The following GALC variants were observed in gnomAD, a reference collection of about 807,000 sequenced individuals.
GALC encodes the protein galactocerebrosidase.
A neutral mutation model predicts 91.8 loss-of-function variants in GALC; 77 were observed. The ratio of observed to expected loss-of-function variants is 0.84; its 90% CI spans 0.70 to 1.01. GALC has a LOEUF of 1.01. Among genes scored for constraint, GALC ranks in the 50% least tolerant of loss-of-function variants. The pLI is 0.00. For synonymous variants in GALC, 357 were observed against 306.7 expected (o/e 1.16, Z -1.71); for missense variants, 882 against 855.9 (o/e 1.03, Z -0.38).
rs1884434423 is a variant in GALC at position 87,933,245 on chromosome 14, A to T, written c.*1487T>A. On this transcript the variant is annotated 3_prime_UTR_variant, in exon 17 of 17. Transcript: ENST00000261304. ...TCTGGAACAAAGAAAACTAACCTAT[A>T]GTGATAGAATTCCTATCAATGGCTG... 1 of 152,546 alleles carries T rather than the reference A, an allele frequency of 6.6e-6. No individual in the cohort carries two copies. The highest frequency in any genetic ancestry group is 1.5e-5 in the Non-Finnish European group (1 of 68,020). The allele number at this position is 152,546 out of a possible 1,614,324, so 9.4% of individuals were successfully genotyped here. A position where few individuals can be genotyped will look rare whatever the true frequency, so the allele number is the denominator to read the frequency against.
intron 3 of GALC, chr14:87,987,920 C>T (rs556685025): frequency 2.6e-5 from 14 of 538,564 alleles, no homozygotes; most frequent in South Asian, 2.1e-4. Context: ...ATTACTTCAA[C>T]TAAATAAGCA....
At chr14:87,968,178 A>G (rs1447562956) in intron 8 of GALC, among the ~76,000 whole-genome samples, 157 bp downstream of exon 8, 1 of 152,184 alleles carries the variant, frequency 6.6e-6, no homozygotes. Context: ...AATTAGATAT[A>G]GATTAGGTAT....
intron 7 of GALC, among the ~76,000 whole-genome samples, chr14:87,969,590 T>A (rs112697865): frequency 6.6e-6 from 1 of 152,200 alleles, no homozygotes; most frequent in Non-Finnish European, 1.5e-5. Flanking sequence ...ACTTTTTAGT[T>A]TAAAAATTAT....
chr14:87,984,506 A>G lies in GALC; in HGVS notation c.470T>C (p.Leu157Pro), dbSNP rs1369809734. Residue 157 changes from leucine to proline, a missense_variant, in exon 5 of 17, where the codon CTG becomes CCG. By Grantham distance (98) the Leu-to-Pro change is moderately conservative. Transcript: ENST00000261304. ...IGLPWSFPGW[L>P]GKGFDWPYVN... ...ATAAGGCCAGTCGAAACCTTTTCCC[A>G]GCCATCCAGGGAATGACCATGGCAA... 6.2e-7 allele frequency: 1 copy of G among 1,614,158 alleles called. No individual in the cohort carries two copies. The highest frequency in any genetic ancestry group is 8.5e-7 in the Non-Finnish European group (1 of 1,180,020).
chr14:87,980,961 T>C (rs1000854461), intron 6 of GALC, among the ~76,000 whole-genome samples: 1 of 152,232 alleles, frequency 6.6e-6, no homozygotes, highest in Non-Finnish European at 1.5e-5. Flanking sequence ...TAAACACGCA[T>C]GTGCAAGTAT....
intron 6 of GALC, among the ~76,000 whole-genome samples, chr14:87,978,600 T>C (rs73312810): frequency 0.025 from 3,739 of 152,326 alleles, 156 homozygotes; most frequent in African/African-American, 0.084. Flanking sequence ...TTTCAGATTA[T>C]GTTTTTGTTT....
intron 10 of GALC, among the ~76,000 whole-genome samples, chr14:87,951,875 A>C (rs1433961558): frequency 6.6e-6 from 1 of 151,892 alleles, no homozygotes; most frequent in Non-Finnish European, 1.5e-5. Context: ...CTAGATTAGA[A>C]ACCAAGAAAG....
chr14:87,981,695 G>A (rs1479936780), intron 6 of GALC, among the ~76,000 whole-genome samples: 4 of 152,044 alleles, frequency 2.6e-5, no homozygotes, highest in Non-Finnish European at 5.9e-5. Context: ...AAGGTTGTGA[G>A]AATTAAATGG....
rs1475461759 is a variant in GALC at position 87,963,498 on chromosome 14, C to T, written c.1047G>A (p.Gln349=). The T allele has an allele frequency of 3.1e-6, 5 of 1,612,342 alleles. No homozygotes were observed. Among genetic ancestry groups the T allele is most frequent in the Non-Finnish European group, 4.2e-6 (5 of 1,179,042 alleles). The change falls in exon 10 of 17, where the codon CAG becomes CAA. Residue 349 remains glutamine, a synonymous_variant. Coordinates refer to ENST00000261304, the MANE Select transcript of GALC (RefSeq NM_000153.4). The stretch of plus-strand genomic sequence containing the variant: ...GGTAATACCAGCCAGGTTGAGTAAA[C>T]TGAGTGGTATGAGCTATAGAAAAAC... ...SPVWVSAHTT[Q]FTQPGWYYLK...
Position 87,934,272 on chromosome 14 carries a change from G to T in GALC, c.*460C>A. ...TGGTTTTCAAAAAGCTACTTCTAGT[G>T]TTCTTCAGCTTTCTATTATGGCAGC... On this transcript the variant is annotated 3_prime_UTR_variant, in exon 17 of 17. Coordinates refer to ENST00000261304, the MANE Select transcript of GALC (RefSeq NM_000153.4). 1 of 1,318,262 alleles carries T rather than the reference G, an allele frequency of 7.6e-7. No homozygotes were observed. The highest frequency in any genetic ancestry group is 9.7e-7 in the Non-Finnish European group (1 of 1,031,112). The allele number at this position is 1,318,262 out of a possible 1,614,324, so 81.7% of individuals were successfully genotyped here.
At chr14:87,939,175 C>T (rs1362145666) in intron 16 of GALC, among the ~76,000 whole-genome samples, 2 of 151,864 alleles carry the variant, frequency 1.3e-5, no homozygotes, top group Non-Finnish European at 2.9e-5. Context: ...ATCTATGCTA[C>T]ATCCAAACCA....
At chr14:87,952,093 A>C (rs551131629) in intron 10 of GALC, among the ~76,000 whole-genome samples, 1 of 152,020 alleles carries the variant, frequency 6.6e-6, no homozygotes, top group East Asian at 1.9e-4. Flanking sequence ...AATAAAAATA[A>C]AGAAAAAACC....
intron 16 of GALC, among the ~76,000 whole-genome samples, chr14:87,939,434 A>G (rs767560012): frequency 3.3e-5 from 5 of 151,908 alleles, no homozygotes; most frequent in Non-Finnish European, 7.4e-5. Context: ...GAACATTTTT[A>G]TATTTCTATT....
chr14:87,962,471 T>C (rs2139989677), intron 10 of GALC, among the ~76,000 whole-genome samples: 1 of 152,254 alleles, frequency 6.6e-6, no homozygotes, highest in South Asian at 2.1e-4. Flanking sequence ...ATTTACTGTT[T>C]GTCCTGGCTC....
At chr14:87,993,353 G>T (rs760085694), upstream of GALC, 3 of 1,535,334 alleles carry the variant, frequency 2.0e-6, no homozygotes, top group Middle Eastern at 3.3e-4. Context: ...GCGTGTCTGT[G>T]GTCAGCTACT....
At chr14:87,956,671 G>A (rs767972159) in intron 10 of GALC, among the ~76,000 whole-genome samples, 3 of 151,196 alleles carry the variant, frequency 2.0e-5, no homozygotes, top group Non-Finnish European at 4.4e-5. Context: ...ATCAGTTGAT[G>A]GGCACTTAGG....
chr14:87,993,250 C>T, upstream of GALC: 4 of 1,540,730 alleles, frequency 2.6e-6, no homozygotes, highest in East Asian at 2.4e-5. Flanking sequence ...CTGATGCTGA[C>T]GCCGCCGCCG....
rs1176265523 is a variant in GALC, at chr14:87,936,921, T to TATATATATATATA, written c.1912-2044_1912-2043insTATATATATATAT. 2.4e-4 allele frequency among the ~76,000 whole-genome samples: 34 copies of TATATATATATATA among 141,128 alleles called. 4 individuals are homozygous for TATATATATATATA. Among genetic ancestry groups the TATATATATATATA allele is most frequent in the South Asian group, 8.8e-4 (4 of 4,536 alleles). 92.6% of individuals were successfully genotyped at this position (141,128 alleles called of 152,430 possible). ...CTATATATATATATATATTTATTTA[T>TATATATATATATA]TTTCTCATTGAATCTTCATAAGAAA... On this transcript the variant is annotated intron_variant, in intron 16 of 16. Coordinates refer to ENST00000261304, the MANE Select transcript of GALC (RefSeq NM_000153.4).
Position 87,965,393 on chromosome 14 carries a change from T to A in GALC, c.1033+112A>T, listed in dbSNP as rs1312808639. ...TGGCAAATCTTGCTTAAAACTTAAA[T>A]CTATACTTAAAACACGCATAGACAC... is the stretch of plus-strand genomic sequence containing the variant. On this transcript the variant is annotated intron_variant, in intron 9 of 16. Coordinates refer to ENST00000261304, the MANE Select transcript of GALC (RefSeq NM_000153.4). The A allele has an allele frequency of 3.3e-6, 4 of 1,208,456 alleles. No individual in the cohort carries two copies. In the South Asian group the frequency reaches 5.0e-5, roughly 15 times the overall value. The allele number at this position is 1,208,456 out of a possible 1,614,324, so 74.9% of individuals were successfully genotyped here. A position where few individuals can be genotyped will look rare whatever the true frequency, so the allele number is the denominator to read the frequency against.
Sources: gnomAD v4.1 joint callset for allele counts (sites outside exome capture counted in the v4.1 genomes callset) on GRCh38, gnomAD v4.1.1 for gene constraint, MANE v1.5 for transcripts, NCBI Gene and HGNC (gene_info 2026-07-23, HGNC 2026-07-21) for gene names.